The following CHST11 variants were observed in gnomAD, a reference collection of about 807,000 sequenced individuals.
CHST11 encodes the protein carbohydrate sulfotransferase 11.
A neutral mutation model predicts 30.4 loss-of-function variants in CHST11; 9 were observed. That is an observed-to-expected ratio of 0.30 (90% CI 0.18 to 0.52). CHST11 has a LOEUF of 0.52. Among genes scored for constraint, CHST11 ranks in the 20% least tolerant of loss-of-function variants. The pLI, the probability that CHST11 is intolerant of heterozygous loss-of-function variation, is 0.97. For synonymous variants in CHST11, 152 were observed against 187.8 expected (o/e 0.81, Z 1.56); for missense variants, 348 against 460.6 (o/e 0.76, Z 2.24).
intron 2 of CHST11, among the ~76,000 whole-genome samples, chr12:104,742,779 C>A (rs2040357627): frequency 6.6e-6 from 1 of 152,242 alleles, no homozygotes; most frequent in African/African-American, 2.4e-5. Context: ...GGCGCCCTCC[C>A]CCTCCAGCGT....
intron 2 of CHST11, among the ~76,000 whole-genome samples, chr12:104,720,662 T>C (rs1184703919): frequency 6.6e-6 from 1 of 152,168 alleles, no homozygotes; most frequent in Non-Finnish European, 1.5e-5. Context: ...CGTTTGGCCT[T>C]TGAGGCAGAG....
chr12:104,630,087 C>T (rs554387353), intron 2 of CHST11, among the ~76,000 whole-genome samples: 35 of 152,296 alleles, frequency 2.3e-4, no homozygotes, highest in Admixed American at 7.2e-4. Flanking sequence ...TTGATTAATA[C>T]GTAACTCACT....
intron 2 of CHST11, among the ~76,000 whole-genome samples, chr12:104,705,984 G>A (rs2040029373): frequency 6.6e-6 from 1 of 152,220 alleles, no homozygotes. Flanking sequence ...TACTGGGGAG[G>A]CTGAGGCAGG....
chr12:104,529,342 C>T (rs2038158600), intron 1 of CHST11, among the ~76,000 whole-genome samples: 1 of 152,222 alleles, frequency 6.6e-6, no homozygotes, highest in South Asian at 2.1e-4. Flanking sequence ...ATCCCTGGCC[C>T]TGCCACTTAC....
chr12:104,756,863 C>T (rs753779746), intron 2 of CHST11, 86 bp from the exon 3 acceptor site: 607 of 1,465,194 alleles, frequency 4.1e-4, no homozygotes, highest in Non-Finnish European at 3.2e-4. Flanking sequence ...TGTGTTTGAA[C>T]GGGTGGATTT....
chr12:104,701,309 A>G (rs1327512884), intron 2 of CHST11, among the ~76,000 whole-genome samples: 1 of 152,122 alleles, frequency 6.6e-6, no homozygotes, highest in Non-Finnish European at 1.5e-5. Context: ...AATCCCTTTG[A>G]TGTATCTGAA....
At chr12:104,516,969 G>A (rs896432418) in intron 1 of CHST11, among the ~76,000 whole-genome samples, 5 of 152,102 alleles carry the variant, frequency 3.3e-5, no homozygotes, top group African/African-American at 1.2e-4. Context: ...TGGTAAAAAG[G>A]CAATAACTGA....
chr12:104,686,978 T>C (rs1047988205), intron 2 of CHST11, among the ~76,000 whole-genome samples: 2 of 152,194 alleles, frequency 1.3e-5, no homozygotes, highest in African/African-American at 4.8e-5. Flanking sequence ...TGTTTTAAAA[T>C]TGTATATTTT....
intron 2 of CHST11, among the ~76,000 whole-genome samples, chr12:104,638,506 A>G (rs1407226888): frequency 6.6e-6 from 1 of 152,222 alleles, no homozygotes; most frequent in Admixed American, 6.5e-5. Flanking sequence ...TCCAACTGCC[A>G]CTTGAATTAC....
chr12:104,670,819 A>C (rs1352496736), intron 2 of CHST11, among the ~76,000 whole-genome samples: 1 of 146,998 alleles, frequency 6.8e-6, no homozygotes, highest in African/African-American at 2.5e-5. Flanking sequence ...ACACACACCC[A>C]CACATACATT....
At chr12:104,649,499 T>C (rs1164587381) in intron 2 of CHST11, among the ~76,000 whole-genome samples, 1 of 152,190 alleles carries the variant, frequency 6.6e-6, no homozygotes, top group Non-Finnish European at 1.5e-5. Flanking sequence ...AAATCTGTAG[T>C]AGAGCTAGGA....
At chr12:104,536,552 A>T (rs1486551416) in intron 1 of CHST11, among the ~76,000 whole-genome samples, 1 of 152,204 alleles carries the variant, frequency 6.6e-6, no homozygotes, top group African/African-American at 2.4e-5. Flanking sequence ...AGCATGTCTC[A>T]TTCTCTTCCT....
At chr12:104,641,824 A>C (rs1052358892) in intron 2 of CHST11, among the ~76,000 whole-genome samples, 1 of 152,186 alleles carries the variant, frequency 6.6e-6, no homozygotes, top group Admixed American at 6.5e-5. Flanking sequence ...GCAATTTAGC[A>C]ATGGATAAGA....
At chr12:104,563,066 A>G (rs184582115) in intron 1 of CHST11, among the ~76,000 whole-genome samples, 271 of 152,070 alleles carry the variant, frequency 1.8e-3, no homozygotes, top group African/African-American at 6.1e-3. Context: ...TTTTAGATGT[A>G]GTCTTGCTCT....
chr12:104,457,785 GTTTTTTTTTTT>G (rs35612022), intron 1 of CHST11, among the ~76,000 whole-genome samples: 1 of 137,684 alleles, frequency 7.3e-6, no homozygotes, highest in Non-Finnish European at 1.6e-5. Flanking sequence ...AGGGGCGGTA[GTTTTTTTTTTT>G]TTTTTTTTCT....
intron 2 of CHST11, among the ~76,000 whole-genome samples, chr12:104,631,615 C>T (rs2039271208): frequency 6.6e-6 from 1 of 152,158 alleles, no homozygotes; most frequent in Non-Finnish European, 1.5e-5. Context: ...CAGAGCTCCC[C>T]ATGGGATCAG....
chr12:104,736,434 C>T (rs777019324), intron 2 of CHST11, among the ~76,000 whole-genome samples: 3 of 152,158 alleles, frequency 2.0e-5, no homozygotes, highest in Non-Finnish European at 4.4e-5. Context: ...CCAGCCTGGC[C>T]GAGCTGGAGA....
At chr12:104,503,872 G>A (rs75200019) in intron 1 of CHST11, among the ~76,000 whole-genome samples, 4,429 of 152,284 alleles carry the variant, frequency 0.029, 85 homozygotes, top group South Asian at 0.084. Context: ...GACTTATGGG[G>A]AGAAAAAGAA....
At chr12:104,689,322 A>G (rs553202870) in intron 2 of CHST11, among the ~76,000 whole-genome samples, 2 of 152,346 alleles carry the variant, frequency 1.3e-5, no homozygotes, top group East Asian at 3.9e-4. Context: ...ATCGAAATAC[A>G]GTGGAAGCTT....
Sources: gnomAD v4.1 joint callset for allele counts (sites outside exome capture counted in the v4.1 genomes callset) on GRCh38, gnomAD v4.1.1 for gene constraint, MANE v1.5 for transcripts, NCBI Gene and HGNC (gene_info 2026-07-23, HGNC 2026-07-21) for gene names.